SLC18A1: variants seen among roughly 807,000 people sequenced by gnomAD.
The protein encoded by SLC18A1 is solute carrier family 18 member A1.
Under a neutral mutation model 53.7 loss-of-function variants are expected in SLC18A1, and 69 were observed. That is an observed-to-expected ratio of 1.28 (90% CI 1.06 to 1.57). The LOEUF is 1.57. SLC18A1 is among the 40% of genes most tolerant of loss of function. The pLI is 0.00. For synonymous variants in SLC18A1, 320 were observed against 248.1 expected (o/e 1.29, Z -2.72); for missense variants, 932 against 668.1 (o/e 1.40, Z -4.35).
intron 10 of SLC18A1, among the ~76,000 whole-genome samples, chr8:20,154,599 C>T (rs1038524573): frequency 2.6e-5 from 4 of 152,144 alleles, no homozygotes; most frequent in Non-Finnish European, 5.9e-5. Context: ...TCACAGAAAA[C>T]ATCTGGGTCT....
chr8:20,160,643 AT>A (rs1394181758), intron 10 of SLC18A1, among the ~76,000 whole-genome samples: 2 of 152,184 alleles, frequency 1.3e-5, no homozygotes, highest in Admixed American at 1.3e-4. Context: ...ACTCTGAAAA[AT>A]ACCTACTTTT....
chr8:20,163,918 G>A (rs914406276), intron 10 of SLC18A1, among the ~76,000 whole-genome samples: 2 of 152,080 alleles, frequency 1.3e-5, no homozygotes. Context: ...CACTAGTATC[G>A]AGACCCTGAG....
rs572074572 is a variant in SLC18A1, at chr8:20,150,875, G to A, written c.1016-131C>T. ...CCAAACCACTTTGTTTTATGATCTG[G>A]GGACCTTTGTGCAAACCCACAGTAG... On this transcript the variant is annotated intron_variant, in intron 10 of 15. Transcript: ENST00000276373. 578 of 788,976 alleles carry A rather than the reference G, an allele frequency of 7.3e-4. 4 individuals are homozygous for A. The South Asian group carries it at 8.4e-3, about 11-fold the overall frequency. The allele number at this position is 788,976 out of a possible 1,614,324, so 48.9% of individuals were successfully genotyped here. A position where few individuals can be genotyped will look rare whatever the true frequency, so the allele number is the denominator to read the frequency against.
intron 5 of SLC18A1, 69 bp from the exon 6 acceptor site, chr8:20,173,197 C>T: frequency 8.7e-7 from 1 of 1,148,500 alleles, no homozygotes; most frequent in Non-Finnish European, 1.3e-6. Flanking sequence ...AGCCCTTGGT[C>T]CCACCCTGTT....
chr8:20,165,179 G>A, intron 8 of SLC18A1, 72 bp from the exon 9 acceptor site: 1 of 1,370,306 alleles, frequency 7.3e-7, no homozygotes, highest in Admixed American at 1.7e-5. Flanking sequence ...CAGAATCTGA[G>A]AAAGTACAAT....
intron 8 of SLC18A1, among the ~76,000 whole-genome samples, chr8:20,169,596 G>T (rs1162305498): frequency 6.6e-6 from 1 of 152,132 alleles, no homozygotes; most frequent in East Asian, 1.9e-4. Flanking sequence ...GAGAGAGAAT[G>T]GGCTGGGTGC....
rs139716813 is a variant in SLC18A1 at position 20,171,959 on chromosome 8, A to G, written c.725-465T>C. Among the ~76,000 whole-genome samples the G allele has an allele frequency of 3.3e-3, 509 of 152,350 alleles. 2 individuals carry two copies. Among genetic ancestry groups the G allele is most frequent in the Middle Eastern group, 6.8e-3 (2 of 294 alleles). On this transcript the variant is annotated intron_variant, in intron 6 of 15. Transcript: ENST00000276373. ...AGAAGAAAGCGGGTGTTAGCAGAGT[A>G]TGAATATTTGCGAGGAGAAAAGTAG... is the stretch of plus-strand genomic sequence containing the variant.
chr8:20,176,194 GGTGA>G (rs1305659904), intron 4 of SLC18A1, among the ~76,000 whole-genome samples: 7 of 152,084 alleles, frequency 4.6e-5, no homozygotes, highest in African/African-American at 1.7e-4. Flanking sequence ...TTCCTTTGGT[GGTGA>G]GTGAGTTCTC....
intron 4 of SLC18A1, among the ~76,000 whole-genome samples, chr8:20,174,996 G>A (rs2072220890): frequency 6.6e-6 from 1 of 152,134 alleles, no homozygotes; most frequent in Non-Finnish European, 1.5e-5. Context: ...AAAATCAGCA[G>A]GTATTAAATT....
chr8:20,171,345 A>G (rs2072110741), intron 7 of SLC18A1, 60 bp downstream of exon 7: 2 of 1,445,412 alleles, frequency 1.4e-6, no homozygotes, highest in Admixed American at 1.7e-5. Flanking sequence ...ACACTACAAC[A>G]TAATGCATTC....
intron 4 of SLC18A1, among the ~76,000 whole-genome samples, chr8:20,175,109 C>T (rs1288786864): frequency 6.6e-6 from 1 of 152,186 alleles, no homozygotes; most frequent in African/African-American, 2.4e-5. Context: ...GATGGACACC[C>T]AGGAAACTGA....
chr8:20,161,237 G>A (rs1484226862), intron 10 of SLC18A1, among the ~76,000 whole-genome samples: 2 of 152,086 alleles, frequency 1.3e-5, no homozygotes, highest in African/African-American at 4.8e-5. Context: ...TAATCCTGAG[G>A]CAAATTCCCT....
intron 8 of SLC18A1, among the ~76,000 whole-genome samples, chr8:20,167,092 A>G (rs1585211105): frequency 6.6e-6 from 1 of 152,038 alleles, no homozygotes; most frequent in African/African-American, 2.4e-5. Context: ...ACAGACTAAG[A>G]TAATTAGCCA....
intron 14 of SLC18A1, 44 bp from the exon 15 acceptor site, chr8:20,147,435 A>G: frequency 1.3e-5 from 20 of 1,587,238 alleles, no homozygotes; most frequent in Non-Finnish European, 1.7e-5. Context: ...TGGAGCCTCC[A>G]TATGGAGCAT....
At chr8:20,147,790 C>A (rs961286259) in intron 13 of SLC18A1, 68 bp from the exon 14 acceptor site, 57 of 1,581,062 alleles carry the variant, frequency 3.6e-5, no homozygotes, top group Non-Finnish European at 4.5e-5. Flanking sequence ...CTCTCCTCCT[C>A]CATTTAGTCC....
At chr8:20,169,016 A>G (rs2128876417) in intron 8 of SLC18A1, among the ~76,000 whole-genome samples, 1 of 152,290 alleles carries the variant, frequency 6.6e-6, no homozygotes, top group South Asian at 2.1e-4. Flanking sequence ...CATCTCCCAC[A>G]TGTTATATAT....
chr8:20,156,411 C>T (rs1554535548), intron 10 of SLC18A1, among the ~76,000 whole-genome samples: 1 of 151,984 alleles, frequency 6.6e-6, no homozygotes, highest in Non-Finnish European at 1.5e-5. Flanking sequence ...AATTACCATA[C>T]GAAGGTCTGA....
At position 20,150,995 on chromosome 8, in the gene SLC18A1, A is replaced by G. The variant is rs1004818727; in HGVS notation, c.1016-251T>C. 11 of 448,244 alleles carry G rather than the reference A, an allele frequency of 2.5e-5. No individual in the cohort carries two copies. In the Admixed American group the frequency reaches 3.7e-4, roughly 15 times the overall value. The allele number at this position is 448,244 out of a possible 1,614,324, so 27.8% of individuals were successfully genotyped here. A position where few individuals can be genotyped will look rare whatever the true frequency, so the allele number is the denominator to read the frequency against. ...TTTGTTTTCTTTCTTTTTTTGAGACAGGGCCTCACTCTGTCACCCAGGCTG... is the reference window on the plus strand; with the variant it reads ...TTTGTTTTCTTTCTTTTTTTGAGACGGGGCCTCACTCTGTCACCCAGGCTG... On this transcript the variant is annotated intron_variant, in intron 10 of 15. Coordinates refer to ENST00000276373, the MANE Select transcript of SLC18A1 (RefSeq NM_003053.4).
intron 4 of SLC18A1, among the ~76,000 whole-genome samples, chr8:20,177,756 C>A (rs574307906): frequency 2.0e-5 from 3 of 152,196 alleles, no homozygotes; most frequent in Non-Finnish European, 4.4e-5. Context: ...CCTTCCCCTG[C>A]CTTAACCTGC....
Sources: allele counts gnomAD v4.1 joint callset (sites outside exome capture counted in the v4.1 genomes callset), GRCh38; gene constraint gnomAD v4.1.1; transcripts MANE v1.5; gene names NCBI Gene and HGNC (gene_info 2026-07-23, HGNC 2026-07-21).